Variants in GRIA4 observed in about 807,000 individuals in gnomAD.
The protein encoded by GRIA4 is glutamate ionotropic receptor AMPA type subunit 4, also known as glutamate receptor 4.
A neutral mutation model predicts 104.0 loss-of-function variants in GRIA4; 34 were observed. That is an observed-to-expected ratio of 0.33 (90% CI 0.25 to 0.44). GRIA4 has a LOEUF of 0.44. Among genes scored for constraint, GRIA4 ranks in the 20% least tolerant of loss-of-function variants. The pLI, the probability that GRIA4 is intolerant of heterozygous loss-of-function variation, is 1.00. For missense variants in GRIA4, 750 were observed against 1,096.5 expected, an observed-to-expected ratio of 0.68 and a Z score of 4.46; for synonymous variants, 386 against 381.9, an observed-to-expected ratio of 1.01 and a Z score of -0.13.
At chr11:105,803,531 A>G (rs1942809595) in intron 4 of GRIA4, among the ~76,000 whole-genome samples, 1 of 152,008 alleles carries the variant, frequency 6.6e-6, no homozygotes, top group Non-Finnish European at 1.5e-5. Flanking sequence ...ATTACATTAC[A>G]CTAAAAAGTT....
intron 3 of GRIA4, among the ~76,000 whole-genome samples, chr11:105,662,822 G>T (rs969795195): frequency 6.6e-6 from 1 of 151,844 alleles, no homozygotes; most frequent in Non-Finnish European, 1.5e-5. Flanking sequence ...TAAGTTCCCA[G>T]GCTGAGACTG....
intron 16 of GRIA4, among the ~76,000 whole-genome samples, chr11:105,977,202 T>A (rs1459139068): frequency 6.6e-6 from 1 of 152,014 alleles, no homozygotes; most frequent in East Asian, 1.9e-4. Flanking sequence ...CAAATAATTG[T>A]CTATTTTACT....
At chr11:105,817,839 T>G (rs1943439837) in intron 4 of GRIA4, among the ~76,000 whole-genome samples, 1 of 152,060 alleles carries the variant, frequency 6.6e-6, no homozygotes, top group African/African-American at 2.4e-5. Context: ...TATTACAACA[T>G]AGGAATCTGT....
intron 3 of GRIA4, among the ~76,000 whole-genome samples, chr11:105,731,640 T>C (rs1039235468): frequency 6.6e-6 from 1 of 152,194 alleles, no homozygotes; most frequent in African/African-American, 2.4e-5. Flanking sequence ...TGCTCATCAT[T>C]GTTAGAATGG....
At chr11:105,721,860 C>T (rs571011594) in intron 3 of GRIA4, among the ~76,000 whole-genome samples, 1 of 152,088 alleles carries the variant, frequency 6.6e-6, no homozygotes, top group South Asian at 2.1e-4. Flanking sequence ...AGACTGTTTG[C>T]TTTTTGTAGA....
At chr11:105,709,866 T>C (rs1041662267) in intron 3 of GRIA4, among the ~76,000 whole-genome samples, 1 of 152,156 alleles carries the variant, frequency 6.6e-6, no homozygotes, top group East Asian at 1.9e-4. Context: ...CAGTATCAGA[T>C]GAGAAACAAT....
At chr11:105,798,716 A>C (rs1942595949) in intron 4 of GRIA4, among the ~76,000 whole-genome samples, 1 of 152,124 alleles carries the variant, frequency 6.6e-6, no homozygotes, top group African/African-American at 2.4e-5. Context: ...GAAGGTACAG[A>C]CAACAGGATT....
intron 3 of GRIA4, among the ~76,000 whole-genome samples, chr11:105,704,600 G>A (rs367757647): frequency 2.8e-4 from 43 of 152,166 alleles, no homozygotes; most frequent in African/African-American, 8.9e-4. Flanking sequence ...TTAAAAGAAA[G>A]ACATGAGTGG....
At chr11:105,818,487 C>G (rs1316300700) in intron 4 of GRIA4, among the ~76,000 whole-genome samples, 1 of 152,110 alleles carries the variant, frequency 6.6e-6, no homozygotes, top group African/African-American at 2.4e-5. Context: ...TGCTTGCTTA[C>G]TATGTTATTT....
At chr11:105,918,984 A>C in intron 11 of GRIA4, 66 bp downstream of exon 11, 1 of 951,656 alleles carries the variant, frequency 1.1e-6, no homozygotes, top group Non-Finnish European at 1.7e-6. Flanking sequence ...CCTTGGGCAC[A>C]TAACAATTTT....
chr11:105,954,577 T>G (rs970561402), intron 14 of GRIA4, among the ~76,000 whole-genome samples: 2 of 152,130 alleles, frequency 1.3e-5, no homozygotes, highest in East Asian at 1.9e-4. Context: ...TATAAATGTA[T>G]AGTTTATTCT....
chr11:105,845,943 G>A (rs1036882791), intron 4 of GRIA4, among the ~76,000 whole-genome samples: 1 of 152,122 alleles, frequency 6.6e-6, no homozygotes, highest in African/African-American at 2.4e-5. Context: ...GTTGTTTTGA[G>A]GAAATAAGAA....
intron 3 of GRIA4, among the ~76,000 whole-genome samples, chr11:105,735,221 A>G (rs985242610): frequency 1.4e-4 from 21 of 152,158 alleles, no homozygotes; most frequent in African/African-American, 5.1e-4. Flanking sequence ...ATTATCAGAA[A>G]AAAAAAGAAA....
At chr11:105,873,174 G>C (rs1425287971) in intron 5 of GRIA4, among the ~76,000 whole-genome samples, 1 of 152,116 alleles carries the variant, frequency 6.6e-6, no homozygotes, top group East Asian at 1.9e-4. Context: ...AACATGCAGT[G>C]TTTGGTTTTC....
intron 3 of GRIA4, among the ~76,000 whole-genome samples, chr11:105,747,779 T>C (rs1939751007): frequency 6.6e-6 from 1 of 152,292 alleles, no homozygotes; most frequent in African/African-American, 2.4e-5. Context: ...CAATATATCC[T>C]AATGAATAAC....
chr11:105,704,763 A>G (rs1953632514), intron 3 of GRIA4, among the ~76,000 whole-genome samples: 1 of 152,150 alleles, frequency 6.6e-6, no homozygotes, highest in Non-Finnish European at 1.5e-5. Context: ...AAAGATGCAA[A>G]AGTAGACTCG....
intron 3 of GRIA4, among the ~76,000 whole-genome samples, chr11:105,681,964 C>G (rs993793067): frequency 3.3e-5 from 5 of 151,960 alleles, no homozygotes; most frequent in Non-Finnish European, 5.9e-5. Context: ...ATCACTTGAG[C>G]CTGGGAGGCA....
chr11:105,925,297 GCCAACC>G (rs1428763687), intron 12 of GRIA4, among the ~76,000 whole-genome samples: 13 of 152,198 alleles, frequency 8.5e-5, no homozygotes, highest in African/African-American at 2.9e-4. Flanking sequence ...TAGGCAAAAA[GCCAACC>G]ATGCAAACAC....
At chr11:105,816,625 T>C (rs1362104062) in intron 4 of GRIA4, among the ~76,000 whole-genome samples, 1 of 152,176 alleles carries the variant, frequency 6.6e-6, no homozygotes, top group Non-Finnish European at 1.5e-5. Flanking sequence ...TATTTCTTAA[T>C]AGCAATGCAA....
Sources: allele counts gnomAD v4.1 joint callset (sites outside exome capture counted in the v4.1 genomes callset), GRCh38; gene constraint gnomAD v4.1.1; transcripts MANE v1.5; gene names NCBI Gene and HGNC (gene_info 2026-07-23, HGNC 2026-07-21).